Variants in SLC18A1 observed in about 807,000 individuals in gnomAD.
SLC18A1 encodes the protein chromaffin granule amine transporter.
Under a neutral mutation model 53.7 loss-of-function variants are expected in SLC18A1, and 69 were observed. The ratio of observed to expected loss-of-function variants is 1.28; its 90% CI spans 1.06 to 1.57. The LOEUF is 1.57. SLC18A1 is among the 40% of genes most tolerant of loss of function. SLC18A1 has a pLI of 0.00. For missense variants in SLC18A1, 932 were observed against 668.1 expected (o/e 1.40, Z -4.35); for synonymous variants, 320 against 248.1 (o/e 1.29, Z -2.72).
At chr8:20,176,708 T>C (rs1193697720) in intron 4 of SLC18A1, among the ~76,000 whole-genome samples, 1 of 152,210 alleles carries the variant, frequency 6.6e-6, no homozygotes, top group Non-Finnish European at 1.5e-5. Flanking sequence ...ATGTATTTTC[T>C]TTTGGTTAGA....
At chr8:20,147,828 C>T (rs1345122077) in intron 13 of SLC18A1, 106 bp from the exon 14 acceptor site, 7 of 1,520,874 alleles carry the variant, frequency 4.6e-6, no homozygotes, top group East Asian at 2.4e-5. Flanking sequence ...TCTTCTGCCT[C>T]GGACTAACAC....
intron 8 of SLC18A1, among the ~76,000 whole-genome samples, chr8:20,167,104 A>G (rs1244231876): frequency 2.0e-5 from 3 of 152,012 alleles, no homozygotes; most frequent in Non-Finnish European, 4.4e-5. Context: ...AATTAGCCAG[A>G]ATGGAGAAAA....
At position 20,145,705 on chromosome 8, in the gene SLC18A1, G is replaced by C; in HGVS notation, c.*58C>G. 8.9e-7 allele frequency: 1 copy of C among 1,129,264 alleles called. No homozygotes were observed. Among genetic ancestry groups the C allele is most frequent in the Non-Finnish European group, 1.3e-6 (1 of 765,098 alleles). 70.0% of individuals were successfully genotyped at this position (1,129,264 alleles called of 1,614,324 possible). ...CCGTGGGCTCAGCCATGGTGATCTG[G>C]TCCCAGGGAAAGAGGTGGTCACTGA... is the stretch of plus-strand genomic sequence containing the variant. On this transcript the variant is annotated 3_prime_UTR_variant, in exon 16 of 16. Coordinates refer to ENST00000276373, the MANE Select transcript of SLC18A1 (RefSeq NM_003053.4).
intron 8 of SLC18A1, among the ~76,000 whole-genome samples, chr8:20,170,369 C>G (rs1373662516): frequency 2.0e-5 from 3 of 152,156 alleles, no homozygotes; most frequent in Non-Finnish European, 4.4e-5. Context: ...AGATGGCGCA[C>G]TAAGCTGAGC....
At chr8:20,178,607 A>G in intron 3 of SLC18A1, 114 bp from the exon 4 acceptor site, 2 of 748,900 alleles carry the variant, frequency 2.7e-6, no homozygotes, top group South Asian at 1.8e-5. Context: ...TGTATGGTAA[A>G]ACATGCCTCT....
intron 8 of SLC18A1, among the ~76,000 whole-genome samples, chr8:20,169,665 G>A (rs930371903): frequency 6.6e-6 from 1 of 152,146 alleles, no homozygotes; most frequent in Non-Finnish European, 1.5e-5. Context: ...GATCACTTGA[G>A]CTCAGGAGTT....
At chr8:20,181,445 CTT>C (rs1462250370) in intron 1 of SLC18A1, among the ~76,000 whole-genome samples, 3 of 152,234 alleles carry the variant, frequency 2.0e-5, no homozygotes, top group African/African-American at 7.2e-5. Flanking sequence ...TAGATCCACT[CTT>C]TTAAAATATT....
intron 15 of SLC18A1, among the ~76,000 whole-genome samples, chr8:20,146,773 G>A (rs1033859880): frequency 2.1e-5 from 3 of 145,844 alleles, no homozygotes; most frequent in African/African-American, 2.6e-5. Flanking sequence ...GTGGTGAGCC[G>A]AGATCACACT....
At chr8:20,158,377 C>G (rs1392171027) in intron 10 of SLC18A1, among the ~76,000 whole-genome samples, 1 of 152,170 alleles carries the variant, frequency 6.6e-6, no homozygotes, top group Non-Finnish European at 1.5e-5. Context: ...GAGAGACATT[C>G]TCGCAAAAGC....
intron 10 of SLC18A1, among the ~76,000 whole-genome samples, chr8:20,162,930 C>G (rs1227887105): frequency 6.6e-6 from 1 of 152,200 alleles, no homozygotes; most frequent in Non-Finnish European, 1.5e-5. Context: ...AAAGCTGCTT[C>G]CATATTTTCA....
chr8:20,149,333 A>G (rs1403609632), intron 12 of SLC18A1, among the ~76,000 whole-genome samples: 1 of 152,030 alleles, frequency 6.6e-6, no homozygotes, highest in Non-Finnish European at 1.5e-5. Context: ...ATCCCCAGAA[A>G]TGGATACCAA....
intron 8 of SLC18A1, among the ~76,000 whole-genome samples, chr8:20,170,471 C>A (rs769298653): frequency 2.6e-5 from 4 of 152,122 alleles, no homozygotes; most frequent in Admixed American, 2.6e-4. Flanking sequence ...AAAGTCAAGG[C>A]CTTTAGATCA....
intron 10 of SLC18A1, among the ~76,000 whole-genome samples, chr8:20,163,503 G>A (rs7010970): frequency 2.6e-5 from 4 of 151,988 alleles, no homozygotes; most frequent in African/African-American, 9.7e-5. Context: ...TATATGGTGG[G>A]CCACATAGCA....
Position 20,179,109 on chromosome 8 carries a change from C to G in SLC18A1, c.488+12G>C, listed in dbSNP as rs201215356. 2,106 of 1,604,250 alleles carry G rather than the reference C, an allele frequency of 1.3e-3. 8 individuals are homozygous for G. The highest frequency in any genetic ancestry group is 5.4e-3 in the South Asian group (481 of 89,266). On this transcript the variant is annotated intron_variant, in intron 3 of 15. Coordinates refer to ENST00000276373, the MANE Select transcript of SLC18A1 (RefSeq NM_003053.4). ...CTGTGTACCCTGCGGGGCACTGCAC[C>G]CAGTGAGATACCTGTTGGTGAGAGG...
At chr8:20,151,466 T>C (rs2071553014) in intron 10 of SLC18A1, among the ~76,000 whole-genome samples, 1 of 152,202 alleles carries the variant, frequency 6.6e-6, no homozygotes, top group African/African-American at 2.4e-5. Flanking sequence ...AATTCCTGCC[T>C]TGCTACTTAC....
chr8:20,156,823 TCAAAGGGTTACCTACAC>T (rs2071694227), intron 10 of SLC18A1, among the ~76,000 whole-genome samples: 3 of 152,324 alleles, frequency 2.0e-5, no homozygotes, highest in African/African-American at 7.2e-5. Context: ...CAATCCTGAC[TCAAAGGGTTACCTACAC>T]CCTCTCTGAA....
At chr8:20,157,075 A>T (rs925274887) in intron 10 of SLC18A1, among the ~76,000 whole-genome samples, 1 of 152,186 alleles carries the variant, frequency 6.6e-6, no homozygotes, top group Non-Finnish European at 1.5e-5. Context: ...TCCGGTAAGC[A>T]GATGTCCCTG....
At position 20,148,041 on chromosome 8, in the gene SLC18A1, G is replaced by T; in HGVS notation, c.1176C>A (p.Leu392=). The T allele has an allele frequency of 1.9e-6, 3 of 1,614,138 alleles. No individual in the cohort carries two copies. Among genetic ancestry groups the T allele is most frequent in the Non-Finnish European group, 2.5e-6 (3 of 1,180,016 alleles). Residue 392 remains leucine, a synonymous_variant, in exon 13 of 16, where the codon CTC becomes CTA. Transcript: ENST00000276373. ...GGCCAAGCCCTGCATTGGGGCCAAT[G>T]AGACCAAAAATATTGTGAGCCAGAG... ...CVPLAHNIFG[L]IGPNAGLGLA... is the part of the protein sequence containing the mutation.
chr8:20,148,145 A>G, intron 12 of SLC18A1, 75 bp from the exon 13 acceptor site: 10 of 1,294,844 alleles, frequency 7.7e-6, no homozygotes, highest in Non-Finnish European at 1.1e-5. Flanking sequence ...GAGTTTTCAC[A>G]TGAAATGCAT....
Sources: gnomAD v4.1 joint callset for allele counts (sites outside exome capture counted in the v4.1 genomes callset) on GRCh38, gnomAD v4.1.1 for gene constraint, MANE v1.5 for transcripts, NCBI Gene and HGNC (gene_info 2026-07-23, HGNC 2026-07-21) for gene names.